ARNT2: variants seen among roughly 807,000 people sequenced by gnomAD.
ARNT2 encodes ARNT protein 2.
Under a neutral mutation model 91.7 loss-of-function variants are expected in ARNT2, and 36 were observed. That is an observed-to-expected ratio of 0.39 (90% confidence interval 0.30 to 0.52). The LOEUF is 0.52. ARNT2 is among the 20% of genes least tolerant of loss of function. The probability of loss-of-function intolerance (pLI) is 0.72; values close to 1 mark genes in which losing one functional copy is unlikely to be tolerated. For synonymous variants in ARNT2, 365 were observed against 347.1 expected, an observed-to-expected ratio of 1.05 and a Z score of -0.57; for missense variants, 775 against 939.3, an observed-to-expected ratio of 0.83 and a Z score of 2.29.
At chr15:80,525,209 TA>T (rs1437056351) in intron 8 of ARNT2, among the ~76,000 whole-genome samples, 1 of 152,206 alleles carries the variant, frequency 6.6e-6, no homozygotes, top group East Asian at 1.9e-4. Context: ...AGAAGTTGTA[TA>T]TTTTTGTTTG....
chr15:80,478,328 T>TA (rs1326767616), intron 5 of ARNT2, among the ~76,000 whole-genome samples: 1 of 152,234 alleles, frequency 6.6e-6, no homozygotes, highest in African/African-American at 2.4e-5. Context: ...GCCAAGGGTG[T>TA]AGCCAGCTGG....
intron 14 of ARNT2, 26 bp from the exon 15 acceptor site, chr15:80,576,840 T>C: frequency 1.9e-6 from 3 of 1,612,634 alleles, no homozygotes; most frequent in Non-Finnish European, 2.5e-6. Context: ...AACCTTCGCA[T>C]GTGACTCCTG....
intron 1 of ARNT2, among the ~76,000 whole-genome samples, chr15:80,416,509 T>C (rs1895787647): frequency 6.6e-6 from 1 of 152,188 alleles, no homozygotes; most frequent in South Asian, 2.1e-4. Flanking sequence ...TCACCAATTG[T>C]TCCTCATAAC....
At chr15:80,437,079 G>C (rs1234686082) in intron 1 of ARNT2, among the ~76,000 whole-genome samples, 1 of 151,940 alleles carries the variant, frequency 6.6e-6, no homozygotes, top group Non-Finnish European at 1.5e-5. Flanking sequence ...CTCCCTTCTC[G>C]ATGGGCTCCA....
At chr15:80,413,607 G>A (rs1296754761) in intron 1 of ARNT2, among the ~76,000 whole-genome samples, 1 of 152,252 alleles carries the variant, frequency 6.6e-6, no homozygotes, top group Non-Finnish European at 1.5e-5. Flanking sequence ...GTGGAGAGCA[G>A]CTGCAGGTGG....
intron 1 of ARNT2, among the ~76,000 whole-genome samples, chr15:80,428,444 C>T (rs1348508434): frequency 6.6e-6 from 1 of 152,202 alleles, no homozygotes; most frequent in African/African-American, 2.4e-5. Context: ...CTTCTGCCTG[C>T]GTTCTTATCC....
At chr15:80,462,378 A>G (rs1317164979) in intron 3 of ARNT2, among the ~76,000 whole-genome samples, 1 of 152,212 alleles carries the variant, frequency 6.6e-6, no homozygotes, top group Non-Finnish European at 1.5e-5. Flanking sequence ...TGCCTTACGT[A>G]TGTGAATGTA....
intron 5 of ARNT2, among the ~76,000 whole-genome samples, chr15:80,476,327 T>C (rs1214679004): frequency 6.6e-6 from 1 of 152,212 alleles, no homozygotes; most frequent in Non-Finnish European, 1.5e-5. Flanking sequence ...TGTATTTCCG[T>C]GTGGCCCGGT....
At chr15:80,554,795 A>G (rs1898147339) in intron 10 of ARNT2, 1 of 339,268 alleles carries the variant, frequency 2.9e-6, no homozygotes, top group Non-Finnish European at 5.4e-6. Flanking sequence ...AACAAAAATA[A>G]AATTGCATTC....
chr15:80,424,148 GACTGACCAGAT>G (rs1895901328), intron 1 of ARNT2, among the ~76,000 whole-genome samples: 1 of 152,152 alleles, frequency 6.6e-6, no homozygotes, highest in Non-Finnish European at 1.5e-5. Context: ...ACCGTGCTAT[GACTGACCAGAT>G]CTGGGCATGT....
At chr15:80,419,309 G>A (rs1488458666) in intron 1 of ARNT2, among the ~76,000 whole-genome samples, 2 of 152,220 alleles carry the variant, frequency 1.3e-5, no homozygotes, top group African/African-American at 4.8e-5. Flanking sequence ...CACTGAGGCA[G>A]GGGCTGCACT....
chr15:80,580,727 G>GT (rs1375119668), intron 16 of ARNT2, among the ~76,000 whole-genome samples, 178 bp downstream of exon 16: 1 of 152,148 alleles, frequency 6.6e-6, no homozygotes, highest in African/African-American at 2.4e-5. Context: ...GGAGAGCCAG[G>GT]TGCCCAGCCT....
intron 8 of ARNT2, among the ~76,000 whole-genome samples, chr15:80,528,366 T>TTATCTATCTATCTATC (rs149942992): frequency 7.4e-5 from 11 of 148,882 alleles, no homozygotes; most frequent in East Asian, 6.0e-4. Context: ...ATTTGACCAT[T>TTATCTATCTATCTATC]TATCTATCTA....
At chr15:80,409,993 G>T (rs1205443762) in intron 1 of ARNT2, among the ~76,000 whole-genome samples, 2 of 152,180 alleles carry the variant, frequency 1.3e-5, no homozygotes, top group Admixed American at 6.5e-5. Flanking sequence ...TAGGGACTGA[G>T]ACTTCATTTT....
intron 11 of ARNT2, among the ~76,000 whole-genome samples, chr15:80,560,924 G>A (rs1898329692): frequency 1.3e-5 from 2 of 152,334 alleles, no homozygotes; most frequent in South Asian, 4.1e-4. Flanking sequence ...TCCCACCAGG[G>A]AGCCTTATCT....
chr15:80,574,359 C>A (rs1186602141), intron 13 of ARNT2, 139 bp downstream of exon 13: 26 of 794,298 alleles, frequency 3.3e-5, no homozygotes, highest in Admixed American at 6.7e-5. Context: ...AGCAGACCTA[C>A]AGGTCCCCTG....
chr15:80,464,333 T>G, intron 3 of ARNT2, among the ~76,000 whole-genome samples: 1 of 151,598 alleles, frequency 6.6e-6, no homozygotes, highest in African/African-American at 2.4e-5. Context: ...GGTGGGGGGT[T>G]GCAAGGATCG....
chr15:80,452,517 G>A (rs1343814146), intron 2 of ARNT2, among the ~76,000 whole-genome samples: 1 of 152,216 alleles, frequency 6.6e-6, no homozygotes, highest in Admixed American at 6.5e-5. Flanking sequence ...AAGACAAGAG[G>A]TGTCAACTTA....
At chr15:80,503,962 A>C (rs1329412499) in intron 5 of ARNT2, among the ~76,000 whole-genome samples, 1 of 152,248 alleles carries the variant, frequency 6.6e-6, no homozygotes, top group African/African-American at 2.4e-5. Flanking sequence ...GACCAGGCAC[A>C]GTCCTAGACC....
Sources: allele counts gnomAD v4.1 joint callset (sites outside exome capture counted in the v4.1 genomes callset), GRCh38; gene constraint gnomAD v4.1.1; transcripts MANE v1.5; gene names NCBI Gene and HGNC (gene_info 2026-07-23, HGNC 2026-07-21).